PCSK5: variants seen among roughly 807,000 people sequenced by gnomAD.
The protein encoded by PCSK5 is proprotein convertase subtilisin/kexin type 5, also known as prohormone convertase 5.
A neutral mutation model predicts 233.2 loss-of-function variants in PCSK5; 129 were observed. The ratio of observed to expected loss-of-function variants is 0.55; its 90% CI spans 0.48 to 0.64. The LOEUF is 0.64. Among genes scored for constraint, PCSK5 ranks in the 30% least tolerant of loss-of-function variants. PCSK5 has a pLI of 0.00. For missense variants in PCSK5, 2,076 were observed against 2,430.1 expected (o/e 0.85, Z 3.06); for synonymous variants, 825 against 879.2 (o/e 0.94, Z 1.09).
chr9:75,904,344 T>C (rs1372481627), intron 1 of PCSK5, among the ~76,000 whole-genome samples: 2 of 151,950 alleles, frequency 1.3e-5, no homozygotes, highest in Non-Finnish European at 2.9e-5. Context: ...GTGAAGAAAG[T>C]GAAAGGACAA....
chr9:76,336,529 G>A (rs1829683242), intron 34 of PCSK5, among the ~76,000 whole-genome samples: 2 of 152,092 alleles, frequency 1.3e-5, no homozygotes, highest in South Asian at 4.1e-4. Context: ...TTTTGTTGTA[G>A]CGTTTAACAG....
At chr9:76,139,577 CAG>C (rs1015552218) in intron 10 of PCSK5, among the ~76,000 whole-genome samples, 7 of 152,126 alleles carry the variant, frequency 4.6e-5, no homozygotes, top group African/African-American at 1.7e-4. Flanking sequence ...CTTGAAAAGA[CAG>C]AGGGAAGTAA....
At chr9:76,106,235 A>G (rs1831973487) in intron 8 of PCSK5, among the ~76,000 whole-genome samples, 1 of 152,204 alleles carries the variant, frequency 6.6e-6, no homozygotes, top group African/African-American at 2.4e-5. Context: ...AACTTCAATG[A>G]GACCACTAAC....
intron 1 of PCSK5, among the ~76,000 whole-genome samples, chr9:75,928,817 C>T (rs552077954): frequency 1.3e-5 from 2 of 151,620 alleles, no homozygotes; most frequent in South Asian, 4.2e-4. Flanking sequence ...TAGAACTAAA[C>T]CATTTTTGCT....
chr9:76,043,339 A>AAAT (rs1829214234), intron 5 of PCSK5, among the ~76,000 whole-genome samples: 1 of 148,644 alleles, frequency 6.7e-6, no homozygotes, highest in South Asian at 2.1e-4. Flanking sequence ...CCATCTCAAA[A>AAAT]AAAAAAAAAA....
intron 3 of PCSK5, among the ~76,000 whole-genome samples, chr9:76,020,939 C>G (rs577810767): frequency 1.3e-5 from 2 of 152,246 alleles, no homozygotes; most frequent in South Asian, 4.1e-4. Flanking sequence ...AAAAACCTGT[C>G]AAGGTTGCTT....
intron 6 of PCSK5, among the ~76,000 whole-genome samples, chr9:76,071,278 G>T (rs563968302): frequency 5.9e-5 from 9 of 152,098 alleles, no homozygotes; most frequent in Non-Finnish European, 1.0e-4. Context: ...TATTAAATAT[G>T]GAGGATACGA....
chr9:75,963,075 CTAT>C (rs1395216847), intron 2 of PCSK5, among the ~76,000 whole-genome samples: 5 of 152,294 alleles, frequency 3.3e-5, no homozygotes, highest in Middle Eastern at 6.8e-3. Flanking sequence ...TAAATTATAG[CTAT>C]TATTCTTATT....
intron 24 of PCSK5, among the ~76,000 whole-genome samples, chr9:76,289,517 T>TACACACACACACACACACACACAC (rs138282168): frequency 2.2e-4 from 26 of 119,434 alleles, no homozygotes; most frequent in South Asian, 3.1e-4. Context: ...ACACGCAACA[T>TACACACACACACACACACACACAC]ACACACACAC....
At chr9:75,940,895 G>T (rs1215107446) in intron 2 of PCSK5, among the ~76,000 whole-genome samples, 1 of 152,200 alleles carries the variant, frequency 6.6e-6, no homozygotes, top group Non-Finnish European at 1.5e-5. Context: ...CGATCTACTA[G>T]GTGAACTTTG....
intron 5 of PCSK5, among the ~76,000 whole-genome samples, chr9:76,062,848 A>G (rs1830078102): frequency 6.6e-6 from 1 of 152,172 alleles, no homozygotes; most frequent in African/African-American, 2.4e-5. Context: ...ACAATAAGCT[A>G]TTATTAACTA....
chr9:76,179,560 A>G lies in PCSK5; in HGVS notation c.1901-36A>G, dbSNP rs781182163. 23 of 1,500,220 alleles carry G rather than the reference A, an allele frequency of 1.5e-5. No individual in the cohort carries two copies. The South Asian group carries it at 1.6e-4, about 10-fold the overall frequency. The allele number at this position is 1,500,220 out of a possible 1,614,324, so 92.9% of individuals were successfully genotyped here. A position where few individuals can be genotyped will look rare whatever the true frequency, so the allele number is the denominator to read the frequency against. ...GGTAAAGCTGACCTGCTCTAAAATC[A>G]TTTTTCCAAGTATTGTTCTAATGTC... On this transcript the variant is annotated intron_variant, in intron 14 of 37. Transcript: ENST00000674117.
chr9:76,284,420 T>G (rs1827988615), intron 24 of PCSK5, among the ~76,000 whole-genome samples: 1 of 151,976 alleles, frequency 6.6e-6, no homozygotes, highest in African/African-American at 2.4e-5. Flanking sequence ...CACACTCTCT[T>G]GCCTGCCACC....
At chr9:76,267,975 A>G (rs956264892) in intron 24 of PCSK5, among the ~76,000 whole-genome samples, 3 of 150,884 alleles carry the variant, frequency 2.0e-5, no homozygotes, top group African/African-American at 7.4e-5. Context: ...ACACACACAC[A>G]CACACACACA....
intron 20 of PCSK5, among the ~76,000 whole-genome samples, chr9:76,226,546 T>C (rs1825898390): frequency 6.6e-6 from 1 of 152,102 alleles, no homozygotes; most frequent in Admixed American, 6.5e-5. Context: ...AGATTGACAG[T>C]GTTCAGACAT....
intron 1 of PCSK5, among the ~76,000 whole-genome samples, chr9:75,915,163 G>A (rs546682664): frequency 1.3e-3 from 195 of 152,316 alleles, no homozygotes; most frequent in African/African-American, 4.1e-3. Context: ...GAATCTGACC[G>A]TGTTATAATG....
chr9:76,116,093 TAGG>T (rs1385766225), intron 9 of PCSK5, among the ~76,000 whole-genome samples: 1 of 152,016 alleles, frequency 6.6e-6, no homozygotes, highest in Admixed American at 6.6e-5. Flanking sequence ...TTGCCATCAA[TAGG>T]AGAGAAAAGT....
At chr9:76,091,417 G>T (rs978180746) in intron 7 of PCSK5, among the ~76,000 whole-genome samples, 7 of 152,060 alleles carry the variant, frequency 4.6e-5, no homozygotes, top group African/African-American at 1.7e-4. Flanking sequence ...CCACACTTAT[G>T]ACCTCATTTA....
intron 2 of PCSK5, among the ~76,000 whole-genome samples, chr9:75,970,404 A>G (rs1221735067): frequency 6.6e-6 from 1 of 152,162 alleles, no homozygotes; most frequent in Non-Finnish European, 1.5e-5. Flanking sequence ...TTCTATCATC[A>G]TTGCCAAGGC....
Sources: allele counts gnomAD v4.1 joint callset (sites outside exome capture counted in the v4.1 genomes callset), GRCh38; gene constraint gnomAD v4.1.1; transcripts MANE v1.5; gene names NCBI Gene and HGNC (gene_info 2026-07-23, HGNC 2026-07-21).